Variants in PDE6D observed in about 807,000 individuals in gnomAD.
PDE6D encodes the protein phosphodiesterase 6D, also known as retinal rod rhodopsin-sensitive cGMP 3',5'-cyclic phosphodiesterase subunit delta.
A neutral mutation model predicts 21.9 loss-of-function variants in PDE6D; 10 were observed. The ratio of observed to expected loss-of-function variants is 0.46; its 90% confidence interval spans 0.28 to 0.78. The LOEUF (loss-of-function observed/expected upper bound fraction) is 0.78, where lower values mean the gene tolerates loss of function less well. Among genes scored for constraint, PDE6D ranks in the 30% least tolerant of loss-of-function variants. The pLI is 0.12. For missense variants in PDE6D, 139 were observed against 184.8 expected, an observed-to-expected ratio of 0.75 and a Z score of 1.44; for synonymous variants, 59 against 63.5, an observed-to-expected ratio of 0.93 and a Z score of 0.34.
chr2:231,767,325 G>GTT (rs1187982745), intron 1 of PDE6D, among the ~76,000 whole-genome samples: 2 of 145,832 alleles, frequency 1.4e-5, no homozygotes, highest in Non-Finnish European at 1.5e-5. Flanking sequence ...CATTATCCTT[G>GTT]TTTTTTTTTT....
chr2:231,746,913 A>G, intron 1 of PDE6D, among the ~76,000 whole-genome samples: 1 of 150,962 alleles, frequency 6.6e-6, no homozygotes, highest in Non-Finnish European at 1.5e-5. Context: ...TTGGAGATAG[A>G]TCCCATACAG....
intron 1 of PDE6D, among the ~76,000 whole-genome samples, chr2:231,746,916 CCATA>C (rs1276276095): frequency 6.6e-6 from 1 of 152,122 alleles, no homozygotes; most frequent in Non-Finnish European, 1.5e-5. Flanking sequence ...GAGATAGATC[CCATA>C]CAGTTTTCTT....
At chr2:231,774,471 T>G (rs1313891742) in intron 1 of PDE6D, among the ~76,000 whole-genome samples, 1 of 152,200 alleles carries the variant, frequency 6.6e-6, no homozygotes, top group Non-Finnish European at 1.5e-5. Context: ...TGCTATATAC[T>G]CTACTGCAGT....
chr2:231,774,939 G>A (rs1379107389), intron 1 of PDE6D, among the ~76,000 whole-genome samples: 1 of 147,046 alleles, frequency 6.8e-6, no homozygotes, highest in Non-Finnish European at 1.5e-5. Flanking sequence ...TTGAGACAGA[G>A]TCTCACTCTG....
chr2:231,772,919 A>G (rs67585372), intron 1 of PDE6D, among the ~76,000 whole-genome samples: 41,483 of 152,160 alleles, frequency 0.27, 5,946 homozygotes, highest in Non-Finnish European at 0.32. Context: ...CTTCCAAAAA[A>G]CAAAAGCAGG....
At chr2:231,752,637 A>T (rs550366302) in intron 1 of PDE6D, among the ~76,000 whole-genome samples, 96 of 152,250 alleles carry the variant, frequency 6.3e-4, no homozygotes, top group Middle Eastern at 3.4e-3. Context: ...CTTGAGTTTT[A>T]TTCACTCAAA....
chr2:231,734,861 A>AAC (rs1263805518), intron 4 of PDE6D, among the ~76,000 whole-genome samples: 26 of 147,474 alleles, frequency 1.8e-4, no homozygotes, highest in African/African-American at 1.5e-4. Context: ...AAAAAAACAA[A>AAC]AAAAAAAACC....
intron 1 of PDE6D, among the ~76,000 whole-genome samples, chr2:231,742,238 C>T (rs1215614493): frequency 6.6e-6 from 1 of 152,120 alleles, no homozygotes; most frequent in African/African-American, 2.4e-5. Flanking sequence ...TCTCCTGCCT[C>T]AGCCTCCTGA....
intron 1 of PDE6D, among the ~76,000 whole-genome samples, chr2:231,762,460 T>C (rs1453947518): frequency 6.7e-6 from 1 of 150,056 alleles, no homozygotes; most frequent in African/African-American, 2.5e-5. Context: ...TTCTCCTGCC[T>C]CAGCCTCCCG....
At chr2:231,758,091 G>T in intron 1 of PDE6D, among the ~76,000 whole-genome samples, 1 of 152,098 alleles carries the variant, frequency 6.6e-6, no homozygotes, top group South Asian at 2.1e-4. Flanking sequence ...AATTGTAAAA[G>T]TTTTTTTTAG....
At chr2:231,774,846 C>T (rs2049042011) in intron 1 of PDE6D, among the ~76,000 whole-genome samples, 1 of 152,014 alleles carries the variant, frequency 6.6e-6, no homozygotes, top group South Asian at 2.1e-4. Flanking sequence ...CCACCTTGGC[C>T]TCCCAAAGTG....
At chr2:231,745,636 T>C (rs1479568996) in intron 1 of PDE6D, among the ~76,000 whole-genome samples, 5 of 148,750 alleles carry the variant, frequency 3.4e-5, no homozygotes, top group Non-Finnish European at 5.9e-5. Flanking sequence ...CACTTTCGTA[T>C]GTAAAATAAG....
intron 1 of PDE6D, 48 bp downstream of exon 1, chr2:231,781,017 G>A (rs2049116951): frequency 1.9e-6 from 3 of 1,545,438 alleles, no homozygotes; most frequent in Non-Finnish European, 2.7e-6. Flanking sequence ...CTCAGTGAGC[G>A]GCCGCCTCCC....
Position 231,739,172 on chromosome 2 carries a change from G to T in PDE6D, c.67C>A (p.Arg23=), listed in dbSNP as rs570163390. ...AGTATCTTCCCTGTCTCAGCATCCC[G>T]AAGGTTCATCCAATTTCTGATCAAA... is the stretch of plus-strand genomic sequence containing the variant. ...RGFKLNWMNL[R]DAETGKILWQ... is the part of the protein sequence containing the mutation. Residue 23 remains arginine (R), a synonymous_variant, in exon 2 of 5, where the codon CGG becomes AGG. Coordinates refer to ENST00000287600, the MANE Select transcript of PDE6D (RefSeq NM_002601.4). This position sits in a 1 kb window ranked among gnomAD's most constrained non-coding sequence, Gnocchi z 4.2. 21 of 1,610,672 alleles carry T rather than the reference G, an allele frequency of 1.3e-5. No individual in the cohort carries two copies. In the East Asian group the frequency reaches 3.8e-4, roughly 29 times the overall value.
intron 1 of PDE6D, among the ~76,000 whole-genome samples, chr2:231,755,969 CTG>C (rs1385827154): frequency 1.3e-5 from 2 of 151,692 alleles, no homozygotes; most frequent in Admixed American, 6.6e-5. Flanking sequence ...AAAATAAAAA[CTG>C]TGCACTTCTG....
chr2:231,742,340 C>A (rs377076610), intron 1 of PDE6D, among the ~76,000 whole-genome samples: 4 of 152,136 alleles, frequency 2.6e-5, no homozygotes, highest in South Asian at 2.1e-4. Context: ...TCAGGCTGGT[C>A]TCAAACTCCC....
chr2:231,760,851 C>T (rs986269343), intron 1 of PDE6D, among the ~76,000 whole-genome samples: 7 of 152,230 alleles, frequency 4.6e-5, no homozygotes, highest in Middle Eastern at 3.4e-3. Context: ...AAAAAGGACA[C>T]GCTGCAAGGC....
chr2:231,745,011 CTG>C (rs2048782434), intron 1 of PDE6D, among the ~76,000 whole-genome samples: 1 of 152,090 alleles, frequency 6.6e-6, no homozygotes. Context: ...CCTCTAAGTT[CTG>C]TAATTTTAGG....
Position 231,739,204 on chromosome 2 carries a change from T to G in PDE6D, c.51-16A>C. On this transcript the variant is annotated splice_polypyrimidine_tract_variant and intron_variant, in intron 1 of 4. Coordinates refer to ENST00000287600, the MANE Select transcript of PDE6D (RefSeq NM_002601.4). The surrounding 1 kb of genome is among the most constrained non-coding windows in gnomAD (Gnocchi z 4.2). ...CATCCAATTTCTGATCAAATATGAC[T>G]AAGGAAAAATAAGGCACTGAAAGTG... is the stretch of plus-strand genomic sequence containing the variant. 1 of 1,467,932 alleles carries G rather than the reference T, an allele frequency of 6.8e-7. No homozygotes were observed. Among genetic ancestry groups the G allele is most frequent in the Non-Finnish European group, 9.6e-7 (1 of 1,046,886 alleles). 90.9% of individuals were successfully genotyped at this position (1,467,932 alleles called of 1,614,324 possible). A position where few individuals can be genotyped will look rare whatever the true frequency, so the allele number is the denominator to read the frequency against.
Sources: gnomAD v4.1 joint callset for allele counts (sites outside exome capture counted in the v4.1 genomes callset) on GRCh38, gnomAD v4.1.1 for gene constraint, Gnocchi (gnomAD v3.1) non-coding constraint, MANE v1.5 for transcripts, NCBI Gene and HGNC (gene_info 2026-07-23, HGNC 2026-07-21) for gene names.